The following CSMD1 variants were observed in gnomAD, a reference collection of about 807,000 sequenced individuals.
The protein encoded by CSMD1 is CUB and Sushi multiple domains 1.
A neutral mutation model predicts 417.5 loss-of-function variants in CSMD1; 213 were observed. The observed-to-expected ratio is 0.51, with a 90% CI of 0.46 to 0.57. CSMD1 has a LOEUF of 0.57. Among genes scored for constraint, CSMD1 ranks in the 20% least tolerant of loss-of-function variants. CSMD1 has a pLI of 0.00. For missense variants in CSMD1, 6,923 were observed against 4,529.7 expected (o/e 1.53, Z -15.17); for synonymous variants, 2,862 against 1,736.8 (o/e 1.65, Z -16.11).
rs190511436 is a variant in CSMD1 at position 4,135,395 on chromosome 8, G to A, written c.416-103296C>T. Among the ~76,000 whole-genome samples the A allele has an allele frequency of 1.7e-3, 207 of 121,944 alleles. 3 individuals carry two copies. In the East Asian group the frequency reaches 0.043, roughly 26 times the overall value. The allele number at this position is 121,944 out of a possible 152,430, so 80.0% of individuals were successfully genotyped here. A position where few individuals can be genotyped will look rare whatever the true frequency, so the allele number is the denominator to read the frequency against. ...GAAAGTGGGAAAGAGGGGGAAGGAAGGGGAAAGAGGGAAAGAGGGGGAAGG... is the reference window on the plus strand; with the variant it reads ...GAAAGTGGGAAAGAGGGGGAAGGAAAGGGAAAGAGGGAAAGAGGGGGAAGG... On this transcript the variant is annotated intron_variant, in intron 3 of 69. Coordinates refer to ENST00000635120, the MANE Select transcript of CSMD1 (RefSeq NM_033225.6).
At chr8:4,541,761 A>G (rs1354018146) in intron 2 of CSMD1, among the ~76,000 whole-genome samples, 3 of 152,118 alleles carry the variant, frequency 2.0e-5, no homozygotes, top group African/African-American at 7.2e-5. Flanking sequence ...AGATAAAGAA[A>G]AAAAGAATCA....
At chr8:3,555,872 T>C (rs969556684) in intron 10 of CSMD1, among the ~76,000 whole-genome samples, 1 of 152,276 alleles carries the variant, frequency 6.6e-6, no homozygotes, top group Non-Finnish European at 1.5e-5. Context: ...AGCATTTTAA[T>C]AATACTGTTT....
At chr8:4,303,197 G>C (rs13266499) in intron 3 of CSMD1, among the ~76,000 whole-genome samples, 111,991 of 151,872 alleles carry the variant, frequency 0.74, 41,474 homozygotes, top group East Asian at 0.85. Context: ...TTGCAACTGA[G>C]AATAACATCT....
At chr8:4,165,545 C>T (rs115596821) in intron 3 of CSMD1, among the ~76,000 whole-genome samples, 2,129 of 152,222 alleles carry the variant, frequency 0.014, 45 homozygotes, top group African/African-American at 0.045. Context: ...GTGGGACCTC[C>T]GGTGCACCAC....
chr8:3,607,870 C>T (rs1284786176), intron 8 of CSMD1, among the ~76,000 whole-genome samples: 1 of 152,002 alleles, frequency 6.6e-6, no homozygotes, highest in African/African-American at 2.4e-5. Flanking sequence ...AAGAACATGA[C>T]TAAGAAGTAA....
chr8:3,875,097 C>A (rs1472985896), intron 5 of CSMD1, among the ~76,000 whole-genome samples: 2 of 150,466 alleles, frequency 1.3e-5, no homozygotes, highest in African/African-American at 4.9e-5. Context: ...GGGACCAGAT[C>A]CTAGAGGGGC....
rs183310971 is a variant in CSMD1, at chr8:4,410,590, T to C, written c.415+9363A>G. 3.1e-3 allele frequency among the ~76,000 whole-genome samples: 469 copies of C among 152,284 alleles called. 4 individuals are homozygous for C. The highest frequency in any genetic ancestry group is 0.014 in the South Asian group (70 of 4,832). On this transcript the variant is annotated intron_variant, in intron 3 of 69. Coordinates refer to ENST00000635120, the MANE Select transcript of CSMD1 (RefSeq NM_033225.6). ...TTCATTTTAAATAATGACCAATTTT[T>C]GTTTTTCATTTATCTGAAATTATGT...
chr8:3,784,122 A>G (rs1391456203), intron 5 of CSMD1, among the ~76,000 whole-genome samples: 4 of 149,250 alleles, frequency 2.7e-5, no homozygotes, highest in African/African-American at 1.0e-4. Flanking sequence ...ATAATTACAA[A>G]TTCTTTTTCC....
At chr8:3,120,476 G>A (rs567834042) in intron 41 of CSMD1, among the ~76,000 whole-genome samples, 36 of 152,216 alleles carry the variant, frequency 2.4e-4, no homozygotes, top group African/African-American at 7.7e-4. Context: ...GCATTCCATA[G>A]AGCCATGAGG....
chr8:3,452,328 C>T (rs1410066382), intron 12 of CSMD1, among the ~76,000 whole-genome samples: 1 of 152,260 alleles, frequency 6.6e-6, no homozygotes, highest in South Asian at 2.1e-4. Context: ...TGCCTGATTG[C>T]CCTGGCCAGA....
At chr8:4,649,406 T>A (rs1468973906) in intron 1 of CSMD1, among the ~76,000 whole-genome samples, 1 of 152,214 alleles carries the variant, frequency 6.6e-6, no homozygotes, top group African/African-American at 2.4e-5. Flanking sequence ...ACAGGCATTA[T>A]CATTCCTATT....
At chr8:3,354,489 C>T (rs924820030) in intron 21 of CSMD1, among the ~76,000 whole-genome samples, 1 of 152,098 alleles carries the variant, frequency 6.6e-6, no homozygotes, top group Non-Finnish European at 1.5e-5. Context: ...CTCCTTTAAA[C>T]CAAGTTCATT....
intron 3 of CSMD1, among the ~76,000 whole-genome samples, chr8:4,152,028 C>G (rs1287721134): frequency 6.6e-6 from 1 of 152,028 alleles, no homozygotes; most frequent in Non-Finnish European, 1.5e-5. Context: ...GTGTTTAGCT[C>G]GATACCTTCA....
At chr8:3,778,941 T>C (rs2129061982) in intron 5 of CSMD1, among the ~76,000 whole-genome samples, 1 of 152,304 alleles carries the variant, frequency 6.6e-6, no homozygotes, top group Non-Finnish European at 1.5e-5. Flanking sequence ...ATGCTGTTTC[T>C]GGGAGGACAA....
intron 26 of CSMD1, among the ~76,000 whole-genome samples, chr8:3,281,485 A>G (rs1031249572): frequency 6.6e-6 from 1 of 152,174 alleles, no homozygotes; most frequent in Non-Finnish European, 1.5e-5. Context: ...CAACAAGTCA[A>G]TAGAATATTA....
intron 3 of CSMD1, among the ~76,000 whole-genome samples, chr8:4,235,762 A>G (rs1802008188): frequency 6.6e-6 from 1 of 152,118 alleles, no homozygotes; most frequent in Non-Finnish European, 1.5e-5. Context: ...TGTGTCCCCC[A>G]TCTGGACCCC....
rs1463768420 is a variant in CSMD1, at chr8:4,420,071, T to G, written c.303-6A>C. On this transcript the variant is annotated splice_region_variant and splice_polypyrimidine_tract_variant and intron_variant, in intron 2 of 69. Coordinates refer to ENST00000635120, the MANE Select transcript of CSMD1 (RefSeq NM_033225.6). ...GCAGCTGAAATCCCGATAATCTAAA[T>G]TTAAAAGACAAGACACAAAGAGAGT... is the stretch of plus-strand genomic sequence containing the variant. The G allele has an allele frequency of 1.3e-6, 2 of 1,540,712 alleles. No individual in the cohort carries two copies. Among genetic ancestry groups the G allele is most frequent in the Admixed American group, 3.9e-5 (2 of 51,516 alleles).
Position 3,275,355 on chromosome 8 carries a change from C to G in CSMD1, c.4153+8789G>C, listed in dbSNP as rs1049307302. ...AACCCAACCTTTCTCTCTGGCTGCC[C>G]TTAACATTTTTTCCTTCATTTCACC... On this transcript the variant is annotated intron_variant, in intron 26 of 69. Coordinates refer to ENST00000635120, the MANE Select transcript of CSMD1 (RefSeq NM_033225.6). Among the ~76,000 whole-genome samples, 4 of 152,050 alleles carry G rather than the reference C, an allele frequency of 2.6e-5. No individual in the cohort carries two copies. In the South Asian group the frequency reaches 8.3e-4, roughly 32 times the overall value.
At chr8:3,176,028 T>C (rs1304722214) in intron 37 of CSMD1, among the ~76,000 whole-genome samples, 1 of 152,176 alleles carries the variant, frequency 6.6e-6, no homozygotes, top group Non-Finnish European at 1.5e-5. Flanking sequence ...TAATTTTGGA[T>C]AGATGTCATT....
Sources: allele counts gnomAD v4.1 joint callset (sites outside exome capture counted in the v4.1 genomes callset), GRCh38; gene constraint gnomAD v4.1.1; transcripts MANE v1.5; gene names NCBI Gene and HGNC (gene_info 2026-07-23, HGNC 2026-07-21).